RUFY2: variants seen among roughly 807,000 people sequenced by gnomAD.
RUFY2 encodes RUN and FYVE domain-containing protein 2.
In RUFY2, 49 loss-of-function variants were observed where a neutral mutation model predicts 94.4. The observed-to-expected ratio is 0.52, with a 90% CI of 0.41 to 0.66. The LOEUF is 0.66. Among genes scored for constraint, RUFY2 ranks in the 30% least tolerant of loss-of-function variants. The pLI is 0.00. For missense variants in RUFY2, 541 were observed against 692.8 expected (o/e 0.78, Z 2.46); for synonymous variants, 255 against 235.7 (o/e 1.08, Z -0.75).
intron 3 of RUFY2, 21 bp from the exon 4 acceptor site, chr10:68,396,902 A>T: frequency 1.3e-6 from 2 of 1,524,052 alleles, no homozygotes; most frequent in Non-Finnish European, 1.8e-6. Context: ...GAACCAATTG[A>T]TCAGAAAACA....
chr10:68,357,958 T>C (rs972043367), intron 15 of RUFY2, among the ~76,000 whole-genome samples: 25 of 151,882 alleles, frequency 1.6e-4, no homozygotes, highest in African/African-American at 6.0e-4. Flanking sequence ...GAGGCTGAGG[T>C]GGGGAGATCA....
intron 16 of RUFY2, among the ~76,000 whole-genome samples, chr10:68,348,490 T>C (rs903906170): frequency 1.3e-5 from 2 of 150,268 alleles, no homozygotes; most frequent in Non-Finnish European, 3.0e-5. Flanking sequence ...GCACTCCAGC[T>C]TGGGAAACAG....
At chr10:68,343,407 C>CT (rs2046085602), downstream of RUFY2, 1 of 152,482 alleles carries the variant, frequency 6.6e-6, no homozygotes, top group Non-Finnish European at 1.5e-5. Context: ...CACCACCTGT[C>CT]TTTTTTGAAA....
rs1196517109 is a variant in RUFY2, at chr10:68,345,658, C to T, written c.*110G>A. 2.3e-6 allele frequency: 2 copies of T among 884,958 alleles called. No homozygotes were observed. Among genetic ancestry groups the T allele is most frequent in the Non-Finnish European group, 1.8e-6 (1 of 567,978 alleles). 54.8% of individuals were successfully genotyped at this position (884,958 alleles called of 1,614,324 possible). A position where few individuals can be genotyped will look rare whatever the true frequency, so the allele number is the denominator to read the frequency against. On this transcript the variant is annotated 3_prime_UTR_variant, in exon 18 of 18. Transcript: ENST00000602465. ...TGAATATGTAGAAGATAAACTGGTACCAAATACTGACCGAAAGCCGCTTAA... is the reference window on the plus strand; with the variant it reads ...TGAATATGTAGAAGATAAACTGGTATCAAATACTGACCGAAAGCCGCTTAA...
intron 13 of RUFY2, among the ~76,000 whole-genome samples, chr10:68,375,289 C>T (rs984226456): frequency 8.1e-6 from 1 of 123,076 alleles, no homozygotes; most frequent in East Asian, 2.3e-4. Context: ...GAGAAGGAAA[C>T]AACAGATACA....
At chr10:68,366,702 AT>A (rs960300481) in intron 13 of RUFY2, among the ~76,000 whole-genome samples, 2 of 146,702 alleles carry the variant, frequency 1.4e-5, no homozygotes, top group Non-Finnish European at 3.0e-5. Context: ...AAATCGCACC[AT>A]TGCACTCCAG....
intron 15 of RUFY2, among the ~76,000 whole-genome samples, chr10:68,358,381 T>C (rs1260740437): frequency 6.6e-6 from 1 of 152,180 alleles, no homozygotes; most frequent in Non-Finnish European, 1.5e-5. Context: ...AAAAACAAAG[T>C]GTGAGTCTTT....
rs1009178772 is a variant in RUFY2 at position 68,346,141 on chromosome 10, A to C, written c.1600-57T>G. The stretch of plus-strand genomic sequence containing the variant: ...GGTAACACTAAAAATTAAATGTGAA[A>C]ACTTTTTCCCCCAAGAACATTATTT... On this transcript the variant is annotated intron_variant, in intron 16 of 17. Coordinates refer to ENST00000602465, the MANE Select transcript of RUFY2 (RefSeq NM_001330103.2). 1.3e-5 allele frequency: 17 copies of C among 1,339,778 alleles called. No homozygotes were observed. In the Admixed American group the frequency reaches 3.5e-4, roughly 28 times the overall value. 83.0% of individuals were successfully genotyped at this position (1,339,778 alleles called of 1,614,324 possible). A position where few individuals can be genotyped will look rare whatever the true frequency, so the allele number is the denominator to read the frequency against.
At position 68,394,361 on chromosome 10, in the gene RUFY2, A is replaced by T; in HGVS notation, c.489T>A (p.Asn163Lys). The T allele has an allele frequency of 6.2e-7, 1 of 1,613,938 alleles. No individual in the cohort carries two copies. Among genetic ancestry groups the T allele is most frequent in the Non-Finnish European group, 8.5e-7 (1 of 1,179,866 alleles). The part of the protein sequence containing the change: ...LLVGLNVIDA[N>K]LCVKGEDLDS... ...CTAAATCCTCTCCCTTCACACACAG[A>T]TTAGCATCGATCACATTCAGGCCAA... The change falls in exon 5 of 18, where the codon AAT becomes AAA. Residue 163 changes from asparagine (N) to lysine (K), a missense_variant. Physicochemically the swap from Asn to Lys is moderately conservative, Grantham distance 94. This residue lies in a region of RUFY2 where 85 missense variants were observed against 153.4 expected (regional missense o/e 0.55). Coordinates refer to ENST00000602465, the MANE Select transcript of RUFY2 (RefSeq NM_001330103.2).
chr10:68,394,459 A>C lies in RUFY2; in HGVS notation c.399-8T>G, dbSNP rs774702226. 2 of 1,598,822 alleles carry C rather than the reference A, an allele frequency of 1.3e-6. No individual in the cohort carries two copies. Among genetic ancestry groups the C allele is most frequent in the South Asian group, 1.1e-5 (1 of 90,196 alleles). On this transcript the variant is annotated splice_polypyrimidine_tract_variant and splice_region_variant and intron_variant, in intron 4 of 17. Coordinates refer to ENST00000602465, the MANE Select transcript of RUFY2 (RefSeq NM_001330103.2). ...TGATACTCATAAAACTCACTGTGAA[A>C]ATTTAAAAAATAAGGACTTTAAATC... is the stretch of plus-strand genomic sequence containing the variant.
Position 68,375,470 on chromosome 10 carries a change from TA to T in RUFY2, c.1325+1382del, listed in dbSNP as rs201658260. Reference sequence around the variant, plus strand: ...GTACCCCCAAACCTAAAATAAAAGTTAAAAAAAAAATTAGAGACAATTGGCC... The same window carrying T: ...GTACCCCCAAACCTAAAATAAAAGTTAAAAAAAAATTAGAGACAATTGGCC... On this transcript the variant is annotated intron_variant, in intron 13 of 17. Coordinates refer to ENST00000602465, the MANE Select transcript of RUFY2 (RefSeq NM_001330103.2). 6.0e-3 allele frequency among the ~76,000 whole-genome samples: 885 copies of T among 148,672 alleles called. 25 individuals carry two copies. The East Asian group carries it at 0.075, about 13-fold the overall frequency.
chr10:68,378,369 A>G, intron 12 of RUFY2: 1 of 1,229,834 alleles, frequency 8.1e-7, no homozygotes, highest in East Asian at 3.2e-5. Flanking sequence ...AGGTTTGAGG[A>G]ACGTATGTCT....
chr10:68,368,220 G>A (rs1033533268), intron 13 of RUFY2, among the ~76,000 whole-genome samples: 2 of 151,522 alleles, frequency 1.3e-5, no homozygotes, highest in African/African-American at 4.8e-5. Flanking sequence ...GCCTGCCTCA[G>A]CCTCCCAAAA....
chr10:68,371,772 T>A (rs1170540547), intron 13 of RUFY2, among the ~76,000 whole-genome samples: 1 of 151,736 alleles, frequency 6.6e-6, no homozygotes, highest in Non-Finnish European at 1.5e-5. Flanking sequence ...CCAAAAAACA[T>A]TTTTTTTGAA....
intron 7 of RUFY2, among the ~76,000 whole-genome samples, chr10:68,387,925 C>T (rs1171795293): frequency 6.6e-6 from 1 of 152,006 alleles, no homozygotes; most frequent in African/African-American, 2.4e-5. Context: ...ATCGATTGAA[C>T]CCGGGAGGCG....
At position 68,344,437 on chromosome 10, in the gene RUFY2, T is replaced by C. The variant is rs965643499; in HGVS notation, c.*1331A>G. ...TAAAAAATAGGATACTGAATGGTGA[T>C]AGTGTTTATGTAACTATTCAGAGGT... On this transcript the variant is annotated 3_prime_UTR_variant, in exon 18 of 18. Coordinates refer to ENST00000602465, the MANE Select transcript of RUFY2 (RefSeq NM_001330103.2). 5 of 152,176 alleles carry C rather than the reference T, an allele frequency of 3.3e-5. No individual in the cohort carries two copies. Among genetic ancestry groups the C allele is most frequent in the Non-Finnish European group, 5.9e-5 (4 of 68,030 alleles). 9.4% of individuals were successfully genotyped at this position (152,176 alleles called of 1,614,324 possible).
chr10:68,378,138 T>C, intron 12 of RUFY2: 2 of 985,968 alleles, frequency 2.0e-6, no homozygotes, highest in South Asian at 9.4e-5. Flanking sequence ...GTCTGGGTTA[T>C]AAATTATTTT....
chr10:68,376,957 C>G lies in RUFY2; in HGVS notation c.1221G>C (p.Glu407Asp). The part of the protein sequence containing the change: ...RQLEQRLQQA[E>D]KAQMEAEDED... ...CATCTTCAGCTTCCATTTGCGCCTT[C>G]TCTGCTTGCTGCAATCTGGTGTAAT... The change falls in exon 13 of 18, where the codon GAG becomes GAC. Residue 407 changes from glutamate (E) to aspartate (D), a missense_variant. Coordinates refer to ENST00000602465, the MANE Select transcript of RUFY2 (RefSeq NM_001330103.2). 1 of 1,613,540 alleles carries G rather than the reference C, an allele frequency of 6.2e-7. No homozygotes were observed.
intron 8 of RUFY2, among the ~76,000 whole-genome samples, chr10:68,385,620 A>G (rs1431774157): frequency 6.6e-6 from 1 of 152,024 alleles, no homozygotes; most frequent in Non-Finnish European, 1.5e-5. Context: ...TTTTTGTATT[A>G]TACTTTAAAT....
Sources: allele counts gnomAD v4.1 joint callset (sites outside exome capture counted in the v4.1 genomes callset), GRCh38; gene constraint gnomAD v4.1.1; regional missense constraint gnomAD v4.1.1; transcripts MANE v1.5; gene names NCBI Gene and HGNC (gene_info 2026-07-23, HGNC 2026-07-21).